ADAMTS2: variants seen among roughly 807,000 people sequenced by gnomAD.
The protein encoded by ADAMTS2 is ADAM metallopeptidase with thrombospondin type 1 motif 2.
In ADAMTS2, 50 loss-of-function variants were observed where a neutral mutation model predicts 123.0. The ratio of observed to expected loss-of-function variants is 0.41; its 90% CI spans 0.32 to 0.51. The LOEUF is 0.51. Ranked by LOEUF, ADAMTS2 falls within the 20% of genes least tolerant of loss-of-function variation. The pLI is 0.35. For missense variants in ADAMTS2, 1,494 were observed against 1,705.2 expected (o/e 0.88, Z 2.18); for synonymous variants, 678 against 695.4 (o/e 0.98, Z 0.39).
intron 12 of ADAMTS2, among the ~76,000 whole-genome samples, chr5:179,136,820 T>A (rs1763074290): frequency 6.9e-6 from 1 of 145,594 alleles, no homozygotes; most frequent in African/African-American, 2.6e-5. Context: ...AATGCAAAAA[T>A]TTAGCCGGGT....
intron 13 of ADAMTS2, among the ~76,000 whole-genome samples, chr5:179,134,832 TCCAGCCC>T (rs1763028959): frequency 5.6e-5 from 3 of 53,720 alleles, no homozygotes; most frequent in Non-Finnish European, 7.0e-5. Flanking sequence ...AGCTCCCGGC[TCCAGCCC>T]CCAGCTCCCG....
intron 4 of ADAMTS2, among the ~76,000 whole-genome samples, chr5:179,203,245 A>G (rs988022989): frequency 1.3e-5 from 2 of 152,174 alleles, no homozygotes; most frequent in Admixed American, 1.3e-4. Context: ...CCCAGGGCAC[A>G]GGCTGTGCCA....
intron 9 of ADAMTS2, 42 bp downstream of exon 9, chr5:179,153,449 C>A (rs1399793747): frequency 1.2e-6 from 2 of 1,601,706 alleles, no homozygotes; most frequent in Non-Finnish European, 8.5e-7. Context: ...CACGCCTCCC[C>A]CCAGACCTGG....
intron 3 of ADAMTS2, among the ~76,000 whole-genome samples, chr5:179,211,662 G>A (rs781383356): frequency 2.6e-5 from 4 of 152,336 alleles, no homozygotes; most frequent in South Asian, 2.1e-4. Flanking sequence ...GGGAGAGGAT[G>A]GAATGAGGGG....
chr5:179,113,291 G>GTGTAGAT lies in ADAMTS2; in HGVS notation c.*575_*576insATCTACA. 2 of 163,914 alleles carry GTGTAGAT rather than the reference G, an allele frequency of 1.2e-5. No individual in the cohort carries two copies. The highest frequency in any genetic ancestry group is 1.6e-4 in the South Asian group (1 of 6,292). The allele number at this position is 163,914 out of a possible 1,614,324, so 10.2% of individuals were successfully genotyped here. On this transcript the variant is annotated 3_prime_UTR_variant, in exon 22 of 22. Coordinates refer to ENST00000251582, the MANE Select transcript of ADAMTS2 (RefSeq NM_014244.5). Reference sequence around the variant, plus strand: ...GGCAGCAACAGCCAGAACCAAGTCAGCTCCAGGTGGGTGTGGCTGTCAGGG... The same window carrying GTGTAGAT: ...GGCAGCAACAGCCAGAACCAAGTCAGTGTAGATCTCCAGGTGGGTGTGGCTGTCAGGG...
intron 3 of ADAMTS2, among the ~76,000 whole-genome samples, chr5:179,268,246 A>G (rs1418536331): frequency 3.3e-5 from 5 of 152,244 alleles, no homozygotes; most frequent in Non-Finnish European, 1.5e-5. Flanking sequence ...AGGGCTGGAC[A>G]CCACGTGTGG....
intron 2 of ADAMTS2, among the ~76,000 whole-genome samples, chr5:179,341,527 C>T (rs1757772936): frequency 6.6e-6 from 1 of 151,118 alleles, no homozygotes; most frequent in African/African-American, 2.4e-5. Context: ...GGTGAAACAC[C>T]GTCTCTACTA....
At chr5:179,210,570 C>T (rs1764825541) in intron 3 of ADAMTS2, among the ~76,000 whole-genome samples, 1 of 152,222 alleles carries the variant, frequency 6.6e-6, no homozygotes, top group African/African-American at 2.4e-5. Context: ...CGGCCCAAGG[C>T]CCAAAGGCAA....
chr5:179,275,368 G>T (rs1766666847), intron 2 of ADAMTS2, among the ~76,000 whole-genome samples: 1 of 152,040 alleles, frequency 6.6e-6, no homozygotes, highest in South Asian at 2.1e-4. Flanking sequence ...TGGGAGGGAG[G>T]AGGAAGCACC....
intron 5 of ADAMTS2, among the ~76,000 whole-genome samples, chr5:179,173,032 C>G (rs1188252770): frequency 6.7e-6 from 1 of 149,964 alleles, no homozygotes; most frequent in South Asian, 2.1e-4. Flanking sequence ...GAGTGAGACC[C>G]TGTCTCTACA....
chr5:179,126,485 G>A (rs1762861571), intron 17 of ADAMTS2, among the ~76,000 whole-genome samples: 1 of 152,242 alleles, frequency 6.6e-6, no homozygotes, highest in Non-Finnish European at 1.5e-5. Flanking sequence ...CAAGCACTGG[G>A]CCCGCAGCCC....
intron 10 of ADAMTS2, among the ~76,000 whole-genome samples, chr5:179,151,724 C>T (rs1419946522): frequency 6.6e-6 from 1 of 152,208 alleles, no homozygotes; most frequent in Non-Finnish European, 1.5e-5. Context: ...CCTCGAAGGA[C>T]AGTGTGCCCA....
At position 179,132,127 on chromosome 5, in the gene ADAMTS2, C is replaced by T; in HGVS notation, c.2290+103G>A. The T allele has an allele frequency of 8.6e-7, 1 of 1,166,834 alleles. No homozygotes were observed. The highest frequency in any genetic ancestry group is 1.3e-6 in the Non-Finnish European group (1 of 795,914). 72.3% of individuals were successfully genotyped at this position (1,166,834 alleles called of 1,614,324 possible). ...GGGGCTGCCCTGGCTCAGGTCATGG[C>T]TGCACAACCCGGGCCCCTGACCCCT... On this transcript the variant is annotated intron_variant, in intron 15 of 21. Coordinates refer to ENST00000251582, the MANE Select transcript of ADAMTS2 (RefSeq NM_014244.5). The surrounding 1 kb of genome is among the most constrained non-coding windows in gnomAD (Gnocchi z 6.1).
At chr5:179,154,715 A>G in intron 7 of ADAMTS2, 99 bp downstream of exon 7, 6 of 1,015,254 alleles carry the variant, frequency 5.9e-6, no homozygotes, top group Non-Finnish European at 9.0e-6. Context: ...GCTTTGACAC[A>G]GGGCGTGTCC....
rs1215060485 is a variant in ADAMTS2, at chr5:179,197,015, G to A, written c.891+10498C>T. On this transcript the variant is annotated intron_variant, in intron 4 of 21. Coordinates refer to ENST00000251582, the MANE Select transcript of ADAMTS2 (RefSeq NM_014244.5). The surrounding 1 kb of genome is among the most constrained non-coding windows in gnomAD (Gnocchi z 4.2). ...TCACGTGAATTTTGCTTTCATGCAA[G>A]TAATACGTCCAAATTTACTTTAATG... Among the ~76,000 whole-genome samples the A allele has an allele frequency of 6.6e-6, 1 of 152,262 alleles. No individual in the cohort carries two copies. Among genetic ancestry groups the A allele is most frequent in the Non-Finnish European group, 1.5e-5 (1 of 68,048 alleles).
chr5:179,344,020 G>T lies in ADAMTS2; in HGVS notation c.281C>A (p.Thr94Asn). Residue 94 changes from threonine to asparagine, a missense_variant, in exon 2 of 22, where the codon ACC becomes AAC. Coordinates refer to ENST00000251582, the MANE Select transcript of ADAMTS2 (RefSeq NM_014244.5). ...VRARRAAPVR[T>N]PSFPGGNEEE... ...CTCGTTGCCTCCGGGGAAGCTCGGG[G>T]TCCGGACCGGGGCGGCCCTGCGGGC... 6.2e-7 allele frequency: 1 copy of T among 1,612,692 alleles called. No homozygotes were observed. The highest frequency in any genetic ancestry group is 8.5e-7 in the Non-Finnish European group (1 of 1,179,884).
intron 9 of ADAMTS2, 147 bp from the exon 10 acceptor site, chr5:179,152,402 G>A (rs1763378898): frequency 2.5e-6 from 2 of 809,488 alleles, no homozygotes. Flanking sequence ...TTGTGATTCT[G>A]GGGTGGTGAA....
chr5:179,321,179 G>C (rs541504975), intron 2 of ADAMTS2, among the ~76,000 whole-genome samples: 1 of 151,862 alleles, frequency 6.6e-6, no homozygotes, highest in Non-Finnish European at 1.5e-5. Flanking sequence ...TCCATCTCCC[G>C]GATCCTCATC....
At chr5:179,190,984 G>C (rs148075504) in intron 4 of ADAMTS2, among the ~76,000 whole-genome samples, 1 of 152,242 alleles carries the variant, frequency 6.6e-6, no homozygotes, top group Non-Finnish European at 1.5e-5. Flanking sequence ...TGGCTGCGTC[G>C]CCTTTGGGGA....
Sources: allele counts gnomAD v4.1 joint callset (sites outside exome capture counted in the v4.1 genomes callset), GRCh38; gene constraint gnomAD v4.1.1; non-coding constraint Gnocchi (gnomAD v3.1); transcripts MANE v1.5; gene names NCBI Gene and HGNC (gene_info 2026-07-23, HGNC 2026-07-21).